The following TPT1 variants were observed in gnomAD, a reference collection of about 807,000 sequenced individuals.
TPT1 encodes the protein translationally-controlled tumor protein.
In TPT1, 5 loss-of-function variants were observed where a neutral mutation model predicts 22.8. That is an observed-to-expected ratio of 0.22 (90% CI 0.11 to 0.46). The LOEUF (loss-of-function observed/expected upper bound fraction) is 0.46, where lower values mean the gene tolerates loss of function less well. Ranked by LOEUF, TPT1 falls within the 20% of genes least tolerant of loss-of-function variation. The pLI, the probability that TPT1 is intolerant of heterozygous loss-of-function variation, is 0.99. For synonymous variants in TPT1, 89 were observed against 73.6 expected (o/e 1.21, Z -1.07); for missense variants, 130 against 218.7 (o/e 0.59, Z 2.56).
Position 45,339,608 on chromosome 13 carries a change from A to G in TPT1, c.294-6T>C. ...CTTCAAGTTTCCCTTTGATTCTAAA[A>G]CAACATTTCATTAACAGGTTGAAGT... On this transcript the variant is annotated splice_polypyrimidine_tract_variant and splice_region_variant and intron_variant, in intron 3 of 5. Transcript: ENST00000530705. The G allele has an allele frequency of 1.2e-6, 2 of 1,605,770 alleles. No individual in the cohort carries two copies. The highest frequency in any genetic ancestry group is 1.7e-6 in the Non-Finnish European group (2 of 1,175,030).
At chr13:45,340,300 C>G in intron 2 of TPT1, 116 bp from the exon 3 acceptor site, 1 of 1,326,764 alleles carries the variant, frequency 7.5e-7, no homozygotes, top group Non-Finnish European at 1.0e-6. Flanking sequence ...ATAAAAAAAG[C>G]ACCATTTTGG....
Position 45,333,498 on chromosome 13 carries a change from GATTT to G in TPT1, c.*3884_*3887del, listed in dbSNP as rs1878498275. 1.3e-5 allele frequency: 2 copies of G among 152,298 alleles called. No individual in the cohort carries two copies. Among genetic ancestry groups the G allele is most frequent in the Non-Finnish European group, 2.9e-5 (2 of 68,036 alleles). 9.4% of individuals were successfully genotyped at this position (152,298 alleles called of 1,614,324 possible). ...ATCAGTGTTCTCTCAAGTTGGTTGA[GATTT>G]ATTGCTCGTCTTGCAATTTTACCAT... is the stretch of plus-strand genomic sequence containing the variant. On this transcript the variant is annotated 3_prime_UTR_variant, in exon 6 of 6. Coordinates refer to ENST00000530705, the MANE Select transcript of TPT1 (RefSeq NM_003295.4).
At chr13:45,340,253 G>A in intron 2 of TPT1, 69 bp from the exon 3 acceptor site, 2 of 1,513,972 alleles carry the variant, frequency 1.3e-6, no homozygotes, top group Non-Finnish European at 1.8e-6. Context: ...CACGCCAATA[G>A]TTCACGGATA....
At position 45,333,526 on chromosome 13, in the gene TPT1, A is replaced by T. The variant is rs1366116747; in HGVS notation, c.*3860T>A. ...TTATTGCTCGTCTTGCAATTTTACC[A>T]TAATTATCACCAGTTTAGTTTGCAG... On this transcript the variant is annotated 3_prime_UTR_variant, in exon 6 of 6. Coordinates refer to ENST00000530705, the MANE Select transcript of TPT1 (RefSeq NM_003295.4). 1 of 152,204 alleles carries T rather than the reference A, an allele frequency of 6.6e-6. No homozygotes were observed. The highest frequency in any genetic ancestry group is 1.5e-5 in the Non-Finnish European group (1 of 68,042). The allele number at this position is 152,204 out of a possible 1,614,324, so 9.4% of individuals were successfully genotyped here.
At chr13:45,337,520 G>C in intron 5 of TPT1, 132 bp from the exon 6 acceptor site, 1 of 1,613,686 alleles carries the variant, frequency 6.2e-7, no homozygotes, top group Non-Finnish European at 8.5e-7. Flanking sequence ...CACAAAGACA[G>C]ACAGAAAGCG....
intron 5 of TPT1, 102 bp downstream of exon 5, chr13:45,338,558 A>T (rs940659489): frequency 5.3e-6 from 8 of 1,500,870 alleles, no homozygotes; most frequent in Non-Finnish European, 7.1e-6. Context: ...ACCATGTTTC[A>T]GAACGCTGTA....
intron 3 of TPT1, 140 bp from the exon 4 acceptor site, chr13:45,339,742 G>GT (rs1878955867): frequency 2.5e-6 from 2 of 789,530 alleles, no homozygotes; most frequent in Non-Finnish European, 4.0e-6. Context: ...TTCACAGAAG[G>GT]TATCTTTCAA....
chr13:45,340,703 C>G lies in TPT1; in HGVS notation c.102+9G>C, dbSNP rs769684153. 1.9e-6 allele frequency: 3 copies of G among 1,544,212 alleles called. No homozygotes were observed. Among genetic ancestry groups the G allele is most frequent in the East Asian group, 4.5e-5 (2 of 44,120 alleles). ...CGGACTCCCCCACGCGCAGGCCCGA[C>G]CGACTCACCTTCCCCTCCACCTCCA... On this transcript the variant is annotated intron_variant, in intron 2 of 5. Coordinates refer to ENST00000530705, the MANE Select transcript of TPT1 (RefSeq NM_003295.4).
rs891176785 is a variant in TPT1 at position 45,336,300 on chromosome 13, C to T, written c.*1086G>A. On this transcript the variant is annotated 3_prime_UTR_variant, in exon 6 of 6. Coordinates refer to ENST00000530705, the MANE Select transcript of TPT1 (RefSeq NM_003295.4). Reference sequence around the variant, plus strand: ...TGACCGACCTGCCTCAAAAACTCTTCCCGCTTTTTTTCCTCCTGTATTCCT... The same window carrying T: ...TGACCGACCTGCCTCAAAAACTCTTTCCGCTTTTTTTCCTCCTGTATTCCT... The T allele has an allele frequency of 6.6e-6, 1 of 152,204 alleles. No individual in the cohort carries two copies. The highest frequency in any genetic ancestry group is 1.5e-5 in the Non-Finnish European group (1 of 68,078). The allele number at this position is 152,204 out of a possible 1,614,324, so 9.4% of individuals were successfully genotyped here.
chr13:45,341,183 G>C lies in TPT1; in HGVS notation c.-114C>G. 4 of 1,424,592 alleles carry C rather than the reference G, an allele frequency of 2.8e-6. No homozygotes were observed. Among genetic ancestry groups the C allele is most frequent in the Non-Finnish European group, 2.9e-6 (3 of 1,034,104 alleles). 88.2% of individuals were successfully genotyped at this position (1,424,592 alleles called of 1,614,324 possible). Reference sequence around the variant, plus strand: ...GGGGGAGGGGGGAGCGGGCGGAAAAGGCCGACTCAGCCGCTCCCCAACCTC... The same window carrying C: ...GGGGGAGGGGGGAGCGGGCGGAAAACGCCGACTCAGCCGCTCCCCAACCTC... On this transcript the variant is annotated 5_prime_UTR_variant, in exon 1 of 6. Coordinates refer to ENST00000530705, the MANE Select transcript of TPT1 (RefSeq NM_003295.4).
chr13:45,339,410 G>T, intron 4 of TPT1, 87 bp downstream of exon 4: 1 of 1,193,434 alleles, frequency 8.4e-7, no homozygotes, highest in Non-Finnish European at 1.2e-6. Context: ...TGGAATACTA[G>T]TATAGAATTG....
chr13:45,339,349 G>T (rs1035872235), intron 4 of TPT1, 148 bp downstream of exon 4: 6 of 575,458 alleles, frequency 1.0e-5, no homozygotes, highest in Non-Finnish European at 1.7e-5. Context: ...TTTTCAATCA[G>T]AAGACAAGAT....
Position 45,336,315 on chromosome 13 carries a change from C to G in TPT1, c.*1071G>C, listed in dbSNP as rs1878689771. The G allele has an allele frequency of 1.3e-5, 2 of 152,158 alleles. No individual in the cohort carries two copies. Among genetic ancestry groups the G allele is most frequent in the Non-Finnish European group, 2.9e-5 (2 of 68,052 alleles). 9.4% of individuals were successfully genotyped at this position (152,158 alleles called of 1,614,324 possible). On this transcript the variant is annotated 3_prime_UTR_variant, in exon 6 of 6. Transcript: ENST00000530705. ...AAAAACTCTTCCCGCTTTTTTTCCT[C>G]CTGTATTCCTCTATTCAATCTCAGC...
At position 45,335,211 on chromosome 13, in the gene TPT1, G is replaced by C. The variant is rs193047298; in HGVS notation, c.*2175C>G. ...TGAGACAGTCTTCAAAGTCTGAGAA[G>C]ATTCTACCTGGAATCTTCAAAGGTT... On this transcript the variant is annotated 3_prime_UTR_variant, in exon 6 of 6. Coordinates refer to ENST00000530705, the MANE Select transcript of TPT1 (RefSeq NM_003295.4). 1 of 152,322 alleles carries C rather than the reference G, an allele frequency of 6.6e-6. No individual in the cohort carries two copies. Among genetic ancestry groups the C allele is most frequent in the Non-Finnish European group, 1.5e-5 (1 of 68,032 alleles). The allele number at this position is 152,322 out of a possible 1,614,324, so 9.4% of individuals were successfully genotyped here. A position where few individuals can be genotyped will look rare whatever the true frequency, so the allele number is the denominator to read the frequency against.
chr13:45,335,863 G>A lies in TPT1; in HGVS notation c.*1523C>T, dbSNP rs1300397251. 2.6e-5 allele frequency: 4 copies of A among 152,148 alleles called. No individual in the cohort carries two copies. The highest frequency in any genetic ancestry group is 4.4e-5 in the Non-Finnish European group (3 of 68,050). 9.4% of individuals were successfully genotyped at this position (152,148 alleles called of 1,614,324 possible). On this transcript the variant is annotated 3_prime_UTR_variant, in exon 6 of 6. Transcript: ENST00000530705. ...ACATTAGTATCTGCCTCAGGTTTTG[G>A]ACACTATGGACAGTCTGGAATTTGA...
Position 45,341,136 on chromosome 13 carries a change from G to T in TPT1, c.-67C>A, listed in dbSNP as rs995628942. On this transcript the variant is annotated 5_prime_UTR_variant, in exon 1 of 6. Coordinates refer to ENST00000530705, the MANE Select transcript of TPT1 (RefSeq NM_003295.4). ...CGAGCCTGAAACTCGGAGCGAGCGC[G>T]GTGCAGCCGGAGCGGCGCTCGGGGG... The T allele has an allele frequency of 6.3e-7, 1 of 1,595,890 alleles. No homozygotes were observed.
rs1173948354 is a variant in TPT1, at chr13:45,337,339, G to T, written c.*47C>A. 23 of 1,590,434 alleles carry T rather than the reference G, an allele frequency of 1.4e-5. No individual in the cohort carries two copies. The East Asian group carries it at 4.7e-4, about 32-fold the overall frequency. On this transcript the variant is annotated 3_prime_UTR_variant, in exon 6 of 6. Coordinates refer to ENST00000530705, the MANE Select transcript of TPT1 (RefSeq NM_003295.4). ...GGTGTTGTGTGGATGACAAGCAGAA[G>T]CCAGTTATGATGACAGGTGATAGAT...
chr13:45,340,205 A>AT, intron 2 of TPT1, 21 bp from the exon 3 acceptor site: 1 of 1,599,360 alleles, frequency 6.3e-7, no homozygotes, highest in Non-Finnish European at 8.5e-7. Flanking sequence ...AAAAAGCAGT[A>AT]TAATTGCAAA....
intron 3 of TPT1, 155 bp downstream of exon 3, chr13:45,339,839 T>C (rs1182220497): frequency 1.0e-4 from 87 of 871,076 alleles, no homozygotes; most frequent in Non-Finnish European, 1.4e-4. Context: ...ATGCTCATAT[T>C]ATAGAAAAGC....
Sources: allele counts gnomAD v4.1 joint callset, GRCh38; gene constraint gnomAD v4.1.1; transcripts MANE v1.5; gene names NCBI Gene and HGNC (gene_info 2026-07-23, HGNC 2026-07-21).